The following MAF variants were observed in gnomAD, a reference collection of about 807,000 sequenced individuals.
MAF encodes the protein MAF bZIP transcription factor, also known as transcription factor Maf.
Under a neutral mutation model 22.0 loss-of-function variants are expected in MAF, and 10 were observed. That is an observed-to-expected ratio of 0.45 (90% confidence interval 0.28 to 0.77). The LOEUF (loss-of-function observed/expected upper bound fraction) is 0.77, where lower values mean the gene tolerates loss of function less well. MAF is among the 30% of genes least tolerant of loss of function. The pLI, the probability that MAF is intolerant of heterozygous loss-of-function variation, is 0.12. For synonymous variants in MAF, 337 were observed against 255.8 expected (o/e 1.32, Z -3.03); for missense variants, 544 against 548.4 (o/e 0.99, Z 0.08).
the MAF span, among the ~76,000 whole-genome samples, chr16:79,423,941 G>C: frequency 3.9e-5 from 6 of 152,142 alleles, no homozygotes; most frequent in East Asian, 1.9e-4. Flanking sequence ...AAACCAATTT[G>C]TTTCCACCAT....
the MAF span, among the ~76,000 whole-genome samples, chr16:79,399,574 T>A: frequency 6.6e-6 from 1 of 152,274 alleles, no homozygotes; most frequent in East Asian, 1.9e-4. Context: ...CAACTAATTT[T>A]AAAAAATCAG....
At chr16:79,218,943 C>A in the MAF span, among the ~76,000 whole-genome samples, 6 of 152,190 alleles carry the variant, frequency 3.9e-5, no homozygotes, top group Admixed American at 3.9e-4. Flanking sequence ...GTGGTTCATA[C>A]TGGCTTAGGT....
chr16:79,251,032 C>T, the MAF span, among the ~76,000 whole-genome samples: 19,014 of 152,134 alleles, frequency 0.12, 1,416 homozygotes, highest in Middle Eastern at 0.19. Context: ...ATTAGGACTT[C>T]ACTAATACCA....
At chr16:79,239,616 C>G in the MAF span, among the ~76,000 whole-genome samples, 914 of 152,140 alleles carry the variant, frequency 6.0e-3, 14 homozygotes, top group African/African-American at 0.021. Context: ...GTCCGAACCC[C>G]TAGATGCTAA....
chr16:79,349,111 C>T, the MAF span, among the ~76,000 whole-genome samples: 1 of 152,230 alleles, frequency 6.6e-6, no homozygotes, highest in Non-Finnish European at 1.5e-5. Flanking sequence ...ATTCTCATAA[C>T]TTCAGTGGCG....
At chr16:79,207,800 T>A in the MAF span, among the ~76,000 whole-genome samples, 1 of 152,182 alleles carries the variant, frequency 6.6e-6, no homozygotes, top group Non-Finnish European at 1.5e-5. Context: ...TTTTTTTTCT[T>A]TACCATATAT....
At chr16:79,244,264 G>A in the MAF span, among the ~76,000 whole-genome samples, 1 of 152,024 alleles carries the variant, frequency 6.6e-6, no homozygotes, top group Admixed American at 6.6e-5. Context: ...TAGGAACAGA[G>A]GGAGTCAAAT....
downstream of MAF, among the ~76,000 whole-genome samples, chr16:79,589,132 C>T (rs962961323): frequency 3.9e-5 from 6 of 152,066 alleles, no homozygotes; most frequent in Admixed American, 1.3e-4. Flanking sequence ...ACTTGCCTAA[C>T]TTAAGTATTC....
chr16:79,499,163 C>T, the MAF span, among the ~76,000 whole-genome samples: 1 of 152,148 alleles, frequency 6.6e-6, no homozygotes, highest in Non-Finnish European at 1.5e-5. Flanking sequence ...ACAAGCAGTC[C>T]CCAGATCTCT....
At chr16:79,230,729 T>C in the MAF span, among the ~76,000 whole-genome samples, 1 of 152,040 alleles carries the variant, frequency 6.6e-6, no homozygotes, top group Non-Finnish European at 1.5e-5. Flanking sequence ...CATGATGGAG[T>C]GTGCTTTCTG....
At chr16:79,505,943 G>T in the MAF span, among the ~76,000 whole-genome samples, 1 of 150,358 alleles carries the variant, frequency 6.7e-6, no homozygotes, top group Admixed American at 6.7e-5. Flanking sequence ...GGAAGAGGAA[G>T]GAAAAGAGAA....
the MAF span, among the ~76,000 whole-genome samples, chr16:79,321,914 C>A: frequency 6.6e-6 from 1 of 151,690 alleles, no homozygotes; most frequent in African/African-American, 2.4e-5. Flanking sequence ...CCTGGGTGAC[C>A]AAGAACTTGA....
the MAF span, among the ~76,000 whole-genome samples, chr16:79,384,850 G>T: frequency 1.3e-5 from 2 of 152,246 alleles, no homozygotes; most frequent in African/African-American, 4.8e-5. Context: ...TGTCCTCCAG[G>T]GGTTGACCAG....
chr16:79,344,609 T>G, the MAF span, among the ~76,000 whole-genome samples: 2 of 152,350 alleles, frequency 1.3e-5, no homozygotes, highest in Non-Finnish European at 2.9e-5. Flanking sequence ...TCTTGGAAAC[T>G]GTCTATATAA....
At chr16:79,431,066 T>C in the MAF span, among the ~76,000 whole-genome samples, 2 of 152,096 alleles carry the variant, frequency 1.3e-5, no homozygotes, top group Non-Finnish European at 2.9e-5. Context: ...CAGATCATTT[T>C]CTTTGAATCA....
chr16:79,305,070 A>G, the MAF span, among the ~76,000 whole-genome samples: 4 of 152,232 alleles, frequency 2.6e-5, no homozygotes. Flanking sequence ...AATCGTGTGG[A>G]ATGAGTAATT....
At chr16:79,251,397 C>T in the MAF span, among the ~76,000 whole-genome samples, 1 of 148,790 alleles carries the variant, frequency 6.7e-6, no homozygotes, top group African/African-American at 2.5e-5. Flanking sequence ...CTCACTGCAA[C>T]CTCTGCCTCT....
At chr16:79,330,332 T>C in the MAF span, among the ~76,000 whole-genome samples, 1 of 152,250 alleles carries the variant, frequency 6.6e-6, no homozygotes, top group Non-Finnish European at 1.5e-5. Flanking sequence ...CTCAGTTGTA[T>C]AGACTTCTTT....
At chr16:79,566,437 C>T in the MAF span, among the ~76,000 whole-genome samples, 4 of 152,180 alleles carry the variant, frequency 2.6e-5, no homozygotes, top group Non-Finnish European at 2.9e-5. Context: ...CCAGTGGATC[C>T]GTGCTGAGCT....
Sources: gnomAD v4.1 joint callset for allele counts (sites outside exome capture counted in the v4.1 genomes callset) on GRCh38, gnomAD v4.1.1 for gene constraint, MANE v1.5 for transcripts, NCBI Gene and HGNC (gene_info 2026-07-23, HGNC 2026-07-21) for gene names.